The following ESR2 variants were observed in gnomAD, a reference collection of about 807,000 sequenced individuals.
ESR2 encodes the protein estrogen receptor 2.
In ESR2, 36 loss-of-function variants were observed where a neutral mutation model predicts 49.6. The ratio of observed to expected loss-of-function variants is 0.73; its 90% CI spans 0.56 to 0.96. The LOEUF is 0.96. Among genes scored for constraint, ESR2 ranks in the 40% least tolerant of loss-of-function variants. The pLI, the probability that ESR2 is intolerant of heterozygous loss-of-function variation, is 0.00. For missense variants in ESR2, 714 were observed against 693.0 expected, an observed-to-expected ratio of 1.03 and a Z score of -0.34; for synonymous variants, 320 against 266.1, an observed-to-expected ratio of 1.20 and a Z score of -1.97.
intron 1 of ESR2, among the ~76,000 whole-genome samples, chr14:64,320,532 C>G (rs1336917379): frequency 6.6e-6 from 1 of 152,130 alleles, no homozygotes; most frequent in African/African-American, 2.4e-5. Flanking sequence ...TAATTATACA[C>G]TTTTCAAAAC....
chr14:64,231,891 T>C lies in ESR2; in HGVS notation c.*1246A>G, dbSNP rs1451905084. ...GGTGCCCTTCTTCATGTCCTATTTA[T>C]GTTCCACTTGGAATAAGAACTAATA... is the stretch of plus-strand genomic sequence containing the variant. On this transcript the variant is annotated 3_prime_UTR_variant, in exon 9 of 9. Coordinates refer to ENST00000341099, the MANE Select transcript of ESR2 (RefSeq NM_001437.3). 1.3e-5 allele frequency: 2 copies of C among 152,246 alleles called. No homozygotes were observed. The highest frequency in any genetic ancestry group is 2.9e-5 in the Non-Finnish European group (2 of 68,044). The allele number at this position is 152,246 out of a possible 1,614,324, so 9.4% of individuals were successfully genotyped here.
rs2098727928 is a variant in ESR2, at chr14:64,232,232, C to T, written c.*905G>A. The T allele has an allele frequency of 6.6e-6, 1 of 152,162 alleles. No individual in the cohort carries two copies. The highest frequency in any genetic ancestry group is 1.5e-5 in the Non-Finnish European group (1 of 68,046). The allele number at this position is 152,162 out of a possible 1,614,324, so 9.4% of individuals were successfully genotyped here. ...ACTGATGGGGCAATTGTGGCTGCTA[C>T]TTATGAGGTTGTACAAGATGGAAAC... is the stretch of plus-strand genomic sequence containing the variant. On this transcript the variant is annotated 3_prime_UTR_variant, in exon 9 of 9. Coordinates refer to ENST00000341099, the MANE Select transcript of ESR2 (RefSeq NM_001437.3).
chr14:64,332,529 G>A (rs538651088), intron 1 of ESR2, among the ~76,000 whole-genome samples: 2 of 152,124 alleles, frequency 1.3e-5, no homozygotes, highest in South Asian at 2.1e-4. Flanking sequence ...AACCAGGCAC[G>A]GTGGCTCACG....
chr14:64,296,439 G>A (rs929984457), upstream of ESR2, among the ~76,000 whole-genome samples: 98 of 152,268 alleles, frequency 6.4e-4, no homozygotes, highest in African/African-American at 2.2e-3. Flanking sequence ...TATTTTATAC[G>A]CAAGCCTATA....
chr14:64,257,975 G>C (rs567478993), intron 5 of ESR2, among the ~76,000 whole-genome samples: 2 of 152,254 alleles, frequency 1.3e-5, no homozygotes, highest in South Asian at 4.1e-4. Context: ...CCAGCACTTT[G>C]GGAGGTCAAG....
intron 3 of ESR2, among the ~76,000 whole-genome samples, chr14:64,272,165 C>T (rs1349601022): frequency 6.6e-6 from 1 of 152,156 alleles, no homozygotes; most frequent in African/African-American, 2.4e-5. Flanking sequence ...TGTTGAACTC[C>T]TTTTCATATA....
chr14:64,325,751 AC>A (rs1329022406), intron 1 of ESR2, among the ~76,000 whole-genome samples: 1 of 152,108 alleles, frequency 6.6e-6, no homozygotes, highest in African/African-American at 2.4e-5. Context: ...GAGAATGAAG[AC>A]CTTTATGATG....
At chr14:64,296,544 A>G (rs2140857736), upstream of ESR2, among the ~76,000 whole-genome samples, 1 of 152,344 alleles carries the variant, frequency 6.6e-6, no homozygotes, top group South Asian at 2.1e-4. Context: ...ATCAGTGGCT[A>G]AGAAGGACTT....
At chr14:64,252,854 G>C (rs1292446466) in intron 6 of ESR2, among the ~76,000 whole-genome samples, 1 of 151,862 alleles carries the variant, frequency 6.6e-6, no homozygotes, top group African/African-American at 2.4e-5. Context: ...TTTATTACTT[G>C]ACAATCACTT....
chr14:64,317,543 C>T (rs1279377219), intron 1 of ESR2, among the ~76,000 whole-genome samples: 4 of 152,134 alleles, frequency 2.6e-5, no homozygotes, highest in African/African-American at 9.7e-5. Context: ...CACTCACTAT[C>T]GTGAGGACAG....
chr14:64,271,757 G>T (rs569529505), intron 3 of ESR2, among the ~76,000 whole-genome samples: 1 of 152,124 alleles, frequency 6.6e-6, no homozygotes, highest in East Asian at 1.9e-4. Context: ...TTTTATGGCC[G>T]AATAGTGGTG....
chr14:64,304,202 A>C (rs2077061841), intron 1 of ESR2, among the ~76,000 whole-genome samples: 1 of 152,164 alleles, frequency 6.6e-6, no homozygotes, highest in Non-Finnish European at 1.5e-5. Context: ...AGCTACTCAG[A>C]GGGCTGAGGT....
intron 1 of ESR2, among the ~76,000 whole-genome samples, chr14:64,304,734 G>A (rs1165242390): frequency 6.6e-6 from 1 of 151,914 alleles, no homozygotes; most frequent in Non-Finnish European, 1.5e-5. Flanking sequence ...AAATTAGCTG[G>A]GTGTGGTGAC....
At chr14:64,274,593 T>A (rs2076519701) in intron 3 of ESR2, among the ~76,000 whole-genome samples, 1 of 152,176 alleles carries the variant, frequency 6.6e-6, no homozygotes, top group Non-Finnish European at 1.5e-5. Context: ...TTGGTTTCAA[T>A]TTCATTTATT....
At chr14:64,270,709 C>T (rs924960949) in intron 3 of ESR2, among the ~76,000 whole-genome samples, 12 of 152,178 alleles carry the variant, frequency 7.9e-5, no homozygotes, top group African/African-American at 2.9e-4. Context: ...GGGGTTTGGC[C>T]GTGTTGGCCA....
At chr14:64,250,403 A>T (rs1420229764) in intron 6 of ESR2, among the ~76,000 whole-genome samples, 2 of 152,240 alleles carry the variant, frequency 1.3e-5, no homozygotes, top group African/African-American at 4.8e-5. Flanking sequence ...CTCCTTGTAG[A>T]AATAAATGTT....
intron 8 of ESR2, 146 bp downstream of exon 8, chr14:64,234,824 C>A (rs900902315): frequency 9.0e-6 from 13 of 1,449,918 alleles, no homozygotes; most frequent in Non-Finnish European, 1.2e-5. Flanking sequence ...TCTTTGCTTA[C>A]AGGTGTGTGA....
In ESR2 at chr14:64,260,476, T is replaced by C. The variant is rs779359374; in HGVS notation, c.925A>G (p.Met309Val). Residue 309 changes from methionine to valine, a missense_variant, in exon 5 of 9, where the codon ATG becomes GTG. Coordinates refer to ENST00000341099, the MANE Select transcript of ESR2 (RefSeq NM_001437.3). ...GGAATCTTCTTGGCCCAGCTGATCA[T>C]GTGTACCAACTCCTTGTCGGCCAAC... ...TKLADKELVHMISWAKKIPGF... is the reference protein window; with the variant it reads ...TKLADKELVHVISWAKKIPGF... 7.9e-6 allele frequency: 12 copies of C among 1,527,980 alleles called. No individual in the cohort carries two copies. Among genetic ancestry groups the C allele is most frequent in the South Asian group, 6.6e-5 (5 of 76,276 alleles). The allele number at this position is 1,527,980 out of a possible 1,614,324, so 94.7% of individuals were successfully genotyped here.
chr14:64,323,098 T>C (rs1363147099), intron 1 of ESR2, among the ~76,000 whole-genome samples: 1 of 152,246 alleles, frequency 6.6e-6, no homozygotes, highest in Non-Finnish European at 1.5e-5. Flanking sequence ...TCCATAACTA[T>C]GGGAATGGTT....
Sources: gnomAD v4.1 joint callset for allele counts (sites outside exome capture counted in the v4.1 genomes callset) on GRCh38, gnomAD v4.1.1 for gene constraint, MANE v1.5 for transcripts, NCBI Gene and HGNC (gene_info 2026-07-23, HGNC 2026-07-21) for gene names.